The following KCNAB1 variants were observed in gnomAD, a reference collection of about 807,000 sequenced individuals.
KCNAB1 encodes voltage-gated potassium channel subunit beta-1.
Under a neutral mutation model 64.6 loss-of-function variants are expected in KCNAB1, and 35 were observed. The observed-to-expected ratio is 0.54, with a 90% CI of 0.41 to 0.72. The LOEUF is 0.72. Among genes scored for constraint, KCNAB1 ranks in the 30% least tolerant of loss-of-function variants. The pLI, the probability that KCNAB1 is intolerant of heterozygous loss-of-function variation, is 0.00. For synonymous variants in KCNAB1, 177 were observed against 183.8 expected, an observed-to-expected ratio of 0.96 and a Z score of 0.30; for missense variants, 401 against 512.9, an observed-to-expected ratio of 0.78 and a Z score of 2.11.
At chr3:156,416,486 G>C (rs2108218094) in intron 1 of KCNAB1, among the ~76,000 whole-genome samples, 1 of 152,208 alleles carries the variant, frequency 6.6e-6, no homozygotes, top group African/African-American at 2.4e-5. Flanking sequence ...TCTTCCTTTG[G>C]ATCTCAGTTT....
intron 1 of KCNAB1, among the ~76,000 whole-genome samples, chr3:156,184,706 ATCTTTCAGGGTAACTCC>A (rs1174296397): frequency 6.6e-6 from 1 of 152,208 alleles, no homozygotes; most frequent in East Asian, 1.9e-4. Flanking sequence ...CCATCAAAAT[ATCTTTCAGGGTAACTCC>A]TCTTTGCCTT....
chr3:156,239,242 T>A (rs185356321), intron 1 of KCNAB1, among the ~76,000 whole-genome samples: 4 of 152,228 alleles, frequency 2.6e-5, no homozygotes, highest in African/African-American at 9.6e-5. Flanking sequence ...TCTTTCTGCT[T>A]CTTTCTTGGG....
At chr3:156,518,466 A>AAAAG (rs1291261339) in intron 11 of KCNAB1, among the ~76,000 whole-genome samples, 1 of 151,772 alleles carries the variant, frequency 6.6e-6, no homozygotes, top group Non-Finnish European at 1.5e-5. Flanking sequence ...AAAGAGAAAG[A>AAAAG]AAAGAAAAGA....
chr3:156,352,135 C>T (rs978222509), intron 1 of KCNAB1, among the ~76,000 whole-genome samples: 2 of 152,178 alleles, frequency 1.3e-5, no homozygotes, highest in Non-Finnish European at 2.9e-5. Context: ...GAGCACACTG[C>T]GACTGTCCTG....
chr3:156,441,210 C>T (rs1251372327), intron 2 of KCNAB1: 3 of 152,126 alleles, frequency 2.0e-5, no homozygotes, highest in South Asian at 2.1e-4. Context: ...TCTATAAGCA[C>T]ACACTGTGTT....
chr3:156,162,724 A>G (rs993012226), intron 1 of KCNAB1, among the ~76,000 whole-genome samples: 1 of 152,150 alleles, frequency 6.6e-6, no homozygotes, highest in African/African-American at 2.4e-5. Context: ...TTTAAAAGAA[A>G]ACAAAACACC....
At chr3:156,424,309 A>G (rs971849459) in intron 2 of KCNAB1, among the ~76,000 whole-genome samples, 1 of 152,180 alleles carries the variant, frequency 6.6e-6, no homozygotes, top group Non-Finnish European at 1.5e-5. Context: ...GGGGTATTTC[A>G]AAGATACTGA....
intron 2 of KCNAB1, among the ~76,000 whole-genome samples, chr3:156,438,791 C>T (rs1202126042): frequency 1.3e-5 from 2 of 151,916 alleles, no homozygotes; most frequent in Non-Finnish European, 2.9e-5. Context: ...CGAGGTGGGC[C>T]GATCACGATG....
At chr3:156,209,256 G>C (rs916585580) in intron 1 of KCNAB1, among the ~76,000 whole-genome samples, 1 of 152,190 alleles carries the variant, frequency 6.6e-6, no homozygotes, top group Non-Finnish European at 1.5e-5. Context: ...GCTGGAGTTG[G>C]ATTAGGGTGG....
intron 1 of KCNAB1, among the ~76,000 whole-genome samples, chr3:156,201,468 A>G (rs1714325490): frequency 6.6e-6 from 1 of 152,220 alleles, no homozygotes; most frequent in African/African-American, 2.4e-5. Flanking sequence ...ACACATCATT[A>G]TCACTCAAAG....
intron 1 of KCNAB1, among the ~76,000 whole-genome samples, chr3:156,245,766 G>A (rs1205492843): frequency 6.6e-6 from 1 of 152,158 alleles, no homozygotes; most frequent in African/African-American, 2.4e-5. Context: ...GGACTGTAGG[G>A]TCAGCTAACA....
chr3:156,314,272 GTC>G (rs919894499), intron 1 of KCNAB1, among the ~76,000 whole-genome samples: 4 of 140,480 alleles, frequency 2.8e-5, no homozygotes, highest in African/African-American at 1.3e-4. Context: ...TAGGTGCGGT[GTC>G]AAAAATGTAC....
At chr3:156,210,789 T>G (rs1489070150) in intron 1 of KCNAB1, among the ~76,000 whole-genome samples, 1 of 152,240 alleles carries the variant, frequency 6.6e-6, no homozygotes, top group African/African-American at 2.4e-5. Context: ...CACCTGCATC[T>G]GGAAGCCATG....
At chr3:156,179,562 T>C (rs1482326075) in intron 1 of KCNAB1, among the ~76,000 whole-genome samples, 4 of 151,924 alleles carry the variant, frequency 2.6e-5, no homozygotes, top group African/African-American at 4.8e-5. Context: ...AGAAGGCACC[T>C]GTCATGGAGC....
At chr3:156,342,609 A>ATTTTTTTTTTTTTTTTT (rs59689669) in intron 1 of KCNAB1, among the ~76,000 whole-genome samples, 16 of 104,686 alleles carry the variant, frequency 1.5e-4, no homozygotes, top group Admixed American at 2.1e-4. Flanking sequence ...TTTTTTTTTA[A>ATTTTTTTTTTTTTTTTT]TTTTTTTTTT....
intron 1 of KCNAB1, among the ~76,000 whole-genome samples, chr3:156,288,670 T>C (rs1576681194): frequency 6.6e-6 from 1 of 152,270 alleles, no homozygotes; most frequent in East Asian, 1.9e-4. Flanking sequence ...TCTGAAAAGG[T>C]GCACTGTGGG....
intron 1 of KCNAB1, among the ~76,000 whole-genome samples, chr3:156,392,847 C>T (rs1054858841): frequency 2.0e-5 from 3 of 152,176 alleles, no homozygotes; most frequent in Non-Finnish European, 4.4e-5. Context: ...TTTTGCTGAA[C>T]TTAATTTGCT....
chr3:156,191,494 A>G (rs541142381), intron 1 of KCNAB1, among the ~76,000 whole-genome samples: 2 of 152,210 alleles, frequency 1.3e-5, no homozygotes, highest in African/African-American at 2.4e-5. Context: ...TATTCCTATC[A>G]GTAAAGCCTA....
intron 8 of KCNAB1, among the ~76,000 whole-genome samples, chr3:156,494,750 G>T (rs1188498750): frequency 6.6e-6 from 1 of 152,168 alleles, no homozygotes; most frequent in African/African-American, 2.4e-5. Context: ...GTTCCTGTGG[G>T]TTCCCAAAGA....
Sources: allele counts gnomAD v4.1 joint callset (sites outside exome capture counted in the v4.1 genomes callset), GRCh38; gene constraint gnomAD v4.1.1; transcripts MANE v1.5; gene names NCBI Gene and HGNC (gene_info 2026-07-23, HGNC 2026-07-21).